Variants in CAPS2 observed in about 807,000 individuals in gnomAD.
CAPS2 encodes calcyphosin-2.
Under a neutral mutation model 86.5 loss-of-function variants are expected in CAPS2, and 98 were observed. That is an observed-to-expected ratio of 1.13 (90% confidence interval 0.96 to 1.34). The LOEUF (loss-of-function observed/expected upper bound fraction) is 1.34, where lower values mean the gene tolerates loss of function less well. Ranked by LOEUF, CAPS2 falls within the 40% of genes most tolerant of loss-of-function variation. The probability of loss-of-function intolerance (pLI) is 0.00; values close to 1 mark genes in which losing one functional copy is unlikely to be tolerated. For synonymous variants in CAPS2, 210 were observed against 225.1 expected, an observed-to-expected ratio of 0.93 and a Z score of 0.60; for missense variants, 729 against 686.8, an observed-to-expected ratio of 1.06 and a Z score of -0.69.
upstream of CAPS2, among the ~76,000 whole-genome samples, chr12:75,327,998 C>T (rs1463775417): frequency 6.6e-6 from 1 of 151,866 alleles, no homozygotes; most frequent in Non-Finnish European, 1.5e-5. Flanking sequence ...TTGCCATAAG[C>T]TTGGAACTCC....
At chr12:75,298,595 T>A (rs1306879865) in intron 11 of CAPS2, 92 bp downstream of exon 11, 2 of 900,390 alleles carry the variant, frequency 2.2e-6, no homozygotes, top group African/African-American at 3.3e-5. Flanking sequence ...GGAAATAAAT[T>A]GAAGACTAGA....
exon 8 of CAPS2, chr12:75,304,773 T>C (rs762479096): frequency 5.0e-6 from 8 of 1,597,252 alleles, no homozygotes; most frequent in Middle Eastern, 3.4e-4. Flanking sequence ...TCATGTAGTG[T>C]TCTTTTTCTA....
chr12:75,377,505 G>A (rs981889079), intron 1 of CAPS2, among the ~76,000 whole-genome samples: 9 of 152,146 alleles, frequency 5.9e-5, no homozygotes, highest in East Asian at 1.9e-4. Flanking sequence ...ACAGAGGCCC[G>A]AGAGCCCCTG....
chr12:75,310,371 T>A (rs551409762), intron 7 of CAPS2, among the ~76,000 whole-genome samples: 2 of 152,250 alleles, frequency 1.3e-5, no homozygotes, highest in South Asian at 4.2e-4. Context: ...AGTAAAGATA[T>A]GAGCTAAAAT....
At chr12:75,360,363 C>T (rs993150295) in intron 1 of CAPS2, 5 of 152,186 alleles carry the variant, frequency 3.3e-5, no homozygotes, top group Non-Finnish European at 5.9e-5. Flanking sequence ...CAAGTCCCTT[C>T]TGCCTATAAG....
intron 7 of CAPS2, among the ~76,000 whole-genome samples, chr12:75,309,282 C>A (rs534737963): frequency 6.6e-6 from 1 of 152,210 alleles, no homozygotes; most frequent in Admixed American, 6.5e-5. Context: ...TCCGCTCCCC[C>A]ACTCCAAGAG....
chr12:75,353,274 G>A lies in CAPS2; in HGVS notation c.-394-30052C>T, dbSNP rs568190804. Among the ~76,000 whole-genome samples the A allele has an allele frequency of 6.6e-5, 10 of 152,050 alleles. No homozygotes were observed. In the East Asian group the frequency reaches 1.7e-3, roughly 26 times the overall value. ...ACTAAATAGAATAATAAAGAAGAGA[G>A]AAGAATCAAATAGACACAATAAAAA... On this transcript the variant is annotated intron_variant, in intron 1 of 5. Transcript: ENST00000551829.
chr12:75,334,663 T>G, upstream of CAPS2: 7 of 1,556,288 alleles, frequency 4.5e-6, no homozygotes, highest in Non-Finnish European at 6.1e-6. Context: ...CGTGGGGAAA[T>G]CGGGTTGCCC....
intron 1 of CAPS2, among the ~76,000 whole-genome samples, chr12:75,374,606 A>T (rs1315809294): frequency 6.6e-6 from 1 of 152,180 alleles, no homozygotes; most frequent in African/African-American, 2.4e-5. Context: ...TATGTTATCA[A>T]TGTAAGGGGC....
At chr12:75,342,111 G>T (rs1394613410) in intron 1 of CAPS2, among the ~76,000 whole-genome samples, 3 of 152,160 alleles carry the variant, frequency 2.0e-5, no homozygotes, top group Non-Finnish European at 4.4e-5. Flanking sequence ...GATCGCCAGG[G>T]GTTAAAGATA....
At chr12:75,368,188 C>T (rs4882689) in intron 1 of CAPS2, among the ~76,000 whole-genome samples, 43,150 of 148,710 alleles carry the variant, frequency 0.29, 7,611 homozygotes, top group East Asian at 0.46. Context: ...CTTTCATTCT[C>T]GTGATAAATC....
chr12:75,312,620 T>A (rs1175498521), intron 7 of CAPS2, among the ~76,000 whole-genome samples: 1 of 152,152 alleles, frequency 6.6e-6, no homozygotes, highest in African/African-American at 2.4e-5. Flanking sequence ...ATTTATTAAG[T>A]TGTTTAGAGA....
intron 15 of CAPS2, 67 bp from the exon 16 acceptor site, chr12:75,282,414 T>A: frequency 2.0e-6 from 2 of 981,722 alleles, no homozygotes; most frequent in Non-Finnish European, 3.3e-6. Context: ...TGAGACAGAG[T>A]CTCGCTCTGT....
chr12:75,334,854 C>A, upstream of CAPS2: 1 of 1,614,144 alleles, frequency 6.2e-7, no homozygotes. Flanking sequence ...AAGCCCACAA[C>A]GAATGGCGTG....
chr12:75,294,536 A>T (rs1386351081), intron 11 of CAPS2, among the ~76,000 whole-genome samples: 2 of 152,176 alleles, frequency 1.3e-5, no homozygotes, highest in Non-Finnish European at 2.9e-5. Context: ...GTGGGAGCCT[A>T]ACTTTCTTAG....
At chr12:75,351,545 G>GTT (rs200327101) in intron 1 of CAPS2, among the ~76,000 whole-genome samples, 13 of 148,428 alleles carry the variant, frequency 8.8e-5, no homozygotes, top group African/African-American at 2.8e-4. Flanking sequence ...ACTCTGTTTT[G>GTT]TTTTGTTTTT....
downstream of CAPS2, chr12:75,276,463 C>T (rs1411611245): frequency 2.0e-6 from 2 of 979,324 alleles, no homozygotes; most frequent in East Asian, 1.1e-4. Context: ...TTATTAATTA[C>T]TCTAAGTGAC....
intron 14 of CAPS2, 109 bp downstream of exon 14, chr12:75,289,512 G>C: frequency 1.1e-6 from 1 of 927,456 alleles, no homozygotes; most frequent in Non-Finnish European, 1.6e-6. Context: ...CTGATAAAGG[G>C]CATAGAGAAG....
At chr12:75,342,963 A>T (rs1044294228) in intron 1 of CAPS2, among the ~76,000 whole-genome samples, 1 of 151,572 alleles carries the variant, frequency 6.6e-6, no homozygotes, top group African/African-American at 2.4e-5. Flanking sequence ...TATATAATAG[A>T]TTTTGCATAT....
Sources: allele counts gnomAD v4.1 joint callset (sites outside exome capture counted in the v4.1 genomes callset), GRCh38; gene constraint gnomAD v4.1.1; transcripts MANE v1.5; gene names NCBI Gene and HGNC (gene_info 2026-07-23, HGNC 2026-07-21).